SNTB1: variants seen among roughly 807,000 people sequenced by gnomAD.
SNTB1 encodes syntrophin beta 1.
A neutral mutation model predicts 48.9 loss-of-function variants in SNTB1; 36 were observed. The ratio of observed to expected loss-of-function variants is 0.74; its 90% CI spans 0.56 to 0.97. The LOEUF (loss-of-function observed/expected upper bound fraction) is 0.97. Among genes scored for constraint, SNTB1 ranks in the 50% least tolerant of loss-of-function variants. The probability of loss-of-function intolerance (pLI) is 0.00; values close to 1 mark genes in which losing one functional copy is unlikely to be tolerated. For missense variants in SNTB1, 786 were observed against 703.4 expected (o/e 1.12, Z -1.33); for synonymous variants, 299 against 294.6 (o/e 1.01, Z -0.15).
intron 1 of SNTB1, among the ~76,000 whole-genome samples, chr8:120,718,283 C>G (rs781345138): frequency 6.6e-6 from 1 of 152,212 alleles, no homozygotes; most frequent in Admixed American, 6.5e-5. Context: ...CCTCTAGGCT[C>G]CAGGAGGGCA....
At chr8:120,715,982 C>CA (rs1477619003) in intron 1 of SNTB1, among the ~76,000 whole-genome samples, 6 of 152,164 alleles carry the variant, frequency 3.9e-5, no homozygotes, top group African/African-American at 1.4e-4. Flanking sequence ...TGAGTTAATC[C>CA]AGGTGCACAT....
intron 3 of SNTB1, among the ~76,000 whole-genome samples, chr8:120,624,616 A>T (rs1477264133): frequency 2.0e-5 from 3 of 152,284 alleles, no homozygotes; most frequent in East Asian, 3.9e-4. Context: ...TCCCCCAAAA[A>T]TTCATGTCCT....
intron 2 of SNTB1, among the ~76,000 whole-genome samples, chr8:120,670,652 A>G (rs916965674): frequency 2.2e-4 from 34 of 152,358 alleles, no homozygotes; most frequent in African/African-American, 7.9e-4. Flanking sequence ...GATCAAATTA[A>G]AACTCTCCTG....
chr8:120,648,232 TC>T (rs1333551405), intron 2 of SNTB1, among the ~76,000 whole-genome samples: 2 of 132,630 alleles, frequency 1.5e-5, no homozygotes, highest in African/African-American at 5.7e-5. Flanking sequence ...GTGATTTTGC[TC>T]GTTAGTTGAT....
chr8:120,797,546 CTTTTTTTTTT>C (rs60374035), intron 1 of SNTB1, among the ~76,000 whole-genome samples: 68 of 69,116 alleles, frequency 9.8e-4, no homozygotes, highest in African/African-American at 1.4e-3. Flanking sequence ...ACTTGTTTCT[CTTTTTTTTTT>C]TTTTTTTTTT....
intron 2 of SNTB1, chr8:120,638,165 G>A (rs1253369188): frequency 6.6e-6 from 1 of 152,334 alleles, no homozygotes; most frequent in Non-Finnish European, 1.5e-5. Context: ...ATTTTTGTGT[G>A]TGTGTGTCTG....
chr8:120,666,899 AT>A (rs925950720), intron 2 of SNTB1, among the ~76,000 whole-genome samples: 11 of 151,560 alleles, frequency 7.3e-5, no homozygotes, highest in African/African-American at 1.5e-4. Context: ...TTTGATATTA[AT>A]TTTTTTTTAA....
intron 2 of SNTB1, among the ~76,000 whole-genome samples, chr8:120,680,808 G>A (rs1468757362): frequency 6.6e-6 from 1 of 152,158 alleles, no homozygotes; most frequent in Non-Finnish European, 1.5e-5. Context: ...GTCAAGATTA[G>A]CAAAAATCCT....
chr8:120,694,262 G>A (rs370247582), intron 1 of SNTB1, among the ~76,000 whole-genome samples: 17 of 152,104 alleles, frequency 1.1e-4, no homozygotes, highest in African/African-American at 3.4e-4. Context: ...TAAAAGATAC[G>A]TTATTCAATA....
At chr8:120,602,965 T>C (rs933391913) in intron 3 of SNTB1, among the ~76,000 whole-genome samples, 1 of 152,044 alleles carries the variant, frequency 6.6e-6, no homozygotes, top group Non-Finnish European at 1.5e-5. Flanking sequence ...TTTGCTATCA[T>C]GTAATTTATA....
intron 3 of SNTB1, among the ~76,000 whole-genome samples, chr8:120,617,533 G>A (rs1390567125): frequency 6.6e-6 from 1 of 152,190 alleles, no homozygotes; most frequent in African/African-American, 2.4e-5. Context: ...TCACTAGAAC[G>A]AGTGCTAAGG....
intron 3 of SNTB1, among the ~76,000 whole-genome samples, chr8:120,621,116 T>A (rs537826304): frequency 6.6e-6 from 1 of 152,072 alleles, no homozygotes; most frequent in Admixed American, 6.6e-5. Context: ...CCCGACACCA[T>A]GCCCGGCTAA....
intron 3 of SNTB1, among the ~76,000 whole-genome samples, chr8:120,617,830 G>C (rs1399782783): frequency 6.6e-6 from 1 of 152,176 alleles, no homozygotes; most frequent in African/African-American, 2.4e-5. Context: ...TTGGACTAAG[G>C]GGGATGCCCA....
rs573693095 is a variant in SNTB1, at chr8:120,571,444, T to C, written c.1136+3642A>G. 451 of 659,032 alleles carry C rather than the reference T, an allele frequency of 6.8e-4. 1 individual carries two copies. The highest frequency in any genetic ancestry group is 8.7e-4 in the Non-Finnish European group (363 of 416,838). The allele number at this position is 659,032 out of a possible 1,614,324, so 40.8% of individuals were successfully genotyped here. A position where few individuals can be genotyped will look rare whatever the true frequency, so the allele number is the denominator to read the frequency against. On this transcript the variant is annotated intron_variant, in intron 4 of 6. Coordinates refer to ENST00000517992, the MANE Select transcript of SNTB1 (RefSeq NM_021021.4). ...CCAAGGCACAGCCTGAGTCTTTGTG[T>C]GCAGTTAAGGATGTTTACATTCTGA... is the stretch of plus-strand genomic sequence containing the variant.
At chr8:120,580,131 T>C (rs1178447279) in intron 3 of SNTB1, among the ~76,000 whole-genome samples, 4 of 152,242 alleles carry the variant, frequency 2.6e-5, no homozygotes, top group South Asian at 2.1e-4. Flanking sequence ...ACTGGGATTC[T>C]TGCTTTACAG....
intron 2 of SNTB1, among the ~76,000 whole-genome samples, chr8:120,663,559 G>A (rs555804765): frequency 3.9e-5 from 6 of 152,164 alleles, no homozygotes; most frequent in East Asian, 3.9e-4. Flanking sequence ...CGCCTGCCTC[G>A]GCCTCCCAAA....
Position 120,728,417 on chromosome 8 carries a change from T to C in SNTB1, c.572-34509A>G, listed in dbSNP as rs1818796223. Among the ~76,000 whole-genome samples, 6 of 152,316 alleles carry C rather than the reference T, an allele frequency of 3.9e-5. No homozygotes were observed. In the South Asian group the frequency reaches 1.2e-3, roughly 32 times the overall value. ...TATTGTGTGACGCTGAGGTTTGGGA[T>C]ATAAATGATCCTGTCACCCAGGTAC... On this transcript the variant is annotated intron_variant, in intron 1 of 6. Coordinates refer to ENST00000517992, the MANE Select transcript of SNTB1 (RefSeq NM_021021.4).
intron 2 of SNTB1, among the ~76,000 whole-genome samples, chr8:120,679,125 C>T (rs1316030964): frequency 6.6e-6 from 1 of 152,210 alleles, no homozygotes; most frequent in Non-Finnish European, 1.5e-5. Flanking sequence ...GTTCCCGAGA[C>T]AGCCCCTTCC....
chr8:120,810,141 T>C (rs915033478), intron 1 of SNTB1, among the ~76,000 whole-genome samples: 3 of 152,160 alleles, frequency 2.0e-5, no homozygotes, highest in Non-Finnish European at 2.9e-5. Flanking sequence ...ATGGAGCAAC[T>C]AAGCTCAAGA....
Sources: allele counts gnomAD v4.1 joint callset (sites outside exome capture counted in the v4.1 genomes callset), GRCh38; gene constraint gnomAD v4.1.1; transcripts MANE v1.5; gene names NCBI Gene and HGNC (gene_info 2026-07-23, HGNC 2026-07-21).